MFHAS1: variants seen among roughly 807,000 people sequenced by gnomAD.
MFHAS1 encodes the protein multifunctional ROCO family signaling regulator 1, also known as malignant fibrous histiocytoma-amplified sequence 1.
MFHAS1 carries 50 observed loss-of-function variants against 70.4 expected under a neutral mutation model. The ratio of observed to expected loss-of-function variants is 0.71; its 90% confidence interval spans 0.57 to 0.90. MFHAS1 has a LOEUF of 0.90. Among genes scored for constraint, MFHAS1 ranks in the 40% least tolerant of loss-of-function variants. MFHAS1 has a pLI of 0.00. For synonymous variants in MFHAS1, 952 were observed against 620.0 expected (o/e 1.54, Z -7.96); for missense variants, 1,795 against 1,347.6 (o/e 1.33, Z -5.20).
intron 1 of MFHAS1, among the ~76,000 whole-genome samples, chr8:8,814,849 C>CTTTTTTTTTT (rs34438669): frequency 7.7e-6 from 1 of 130,430 alleles, no homozygotes; most frequent in Non-Finnish European, 1.6e-5. Flanking sequence ...GCTAGAATTT[C>CTTTTTTTTTT]TTTTTTTTTT....
intron 1 of MFHAS1, among the ~76,000 whole-genome samples, chr8:8,822,824 G>C (rs1200413045): frequency 6.6e-6 from 1 of 151,022 alleles, no homozygotes; most frequent in African/African-American, 2.4e-5. Flanking sequence ...CCAAGTCAGG[G>C]GGACTGACAC....
chr8:8,843,425 A>G (rs966745040), intron 1 of MFHAS1, among the ~76,000 whole-genome samples: 2 of 152,154 alleles, frequency 1.3e-5, no homozygotes, highest in Non-Finnish European at 2.9e-5. Context: ...CTCTACAAAA[A>G]ATAAAGAAAC....
intron 1 of MFHAS1, among the ~76,000 whole-genome samples, chr8:8,830,802 T>C (rs1374398822): frequency 2.6e-5 from 4 of 152,170 alleles, no homozygotes; most frequent in Admixed American, 6.5e-5. Flanking sequence ...TTTGCCATGT[T>C]GGCAGGCTGG....
rs746096695 is a variant in MFHAS1 at position 8,892,323 on chromosome 8, A to G, written c.736T>C (p.Phe246Leu). 1.2e-6 allele frequency: 2 copies of G among 1,612,180 alleles called. No homozygotes were observed. Among genetic ancestry groups the G allele is most frequent in the Non-Finnish European group, 1.7e-6 (2 of 1,179,972 alleles). The change falls in exon 1 of 3, where the codon TTC becomes CTC. Residue 246 changes from phenylalanine (F) to leucine (L), a missense_variant. Coordinates refer to ENST00000276282, the MANE Select transcript of MFHAS1 (RefSeq NM_004225.3). This position sits in a 1 kb window ranked among gnomAD's most constrained non-coding sequence, Gnocchi z 4.7. Reference protein sequence around the residue: ...GAELGTLPAGFCELASLESLM... With the variant: ...GAELGTLPAGLCELASLESLM... ...CTCTCCAAACTGGCCAGCTCGCAGA[A>G]GCCGGCGGGCAGCGTGCCAAGCTCG...
Position 8,892,405 on chromosome 8 carries a change from G to T in MFHAS1, c.654C>A (p.Gly218=), listed in dbSNP as rs771051626. Residue 218 remains glycine (G), a synonymous_variant, in exon 1 of 3, where the codon GGC becomes GGA. Transcript: ENST00000276282. This position sits in a 1 kb window ranked among gnomAD's most constrained non-coding sequence, Gnocchi z 4.7. The part of the protein sequence containing the change: ...ELDVSSNRLR[G]LPEDISALRA... ...GCAGGGCACTGATATCCTCAGGCAG[G>T]CCCCGCAGCCGGTTGCTGGACACGT... 1 of 1,612,870 alleles carries T rather than the reference G, an allele frequency of 6.2e-7. No individual in the cohort carries two copies. The highest frequency in any genetic ancestry group is 8.5e-7 in the Non-Finnish European group (1 of 1,179,816).
Position 8,891,262 on chromosome 8 carries a change from C to G in MFHAS1, c.1797G>C (p.Ser599=), listed in dbSNP as rs150944602. ...CCTTGCGCCGTCGAAGGTTCTTGTC[C>G]GAAACGCCATAGTAGGCTGCGTGGG... The part of the protein sequence containing the change: ...ASPHAAYYGV[S]DKNLRRRKAH... The change falls in exon 1 of 3, where the codon TCG becomes TCC. Residue 599 remains serine, a synonymous_variant. Transcript: ENST00000276282. The surrounding 1 kb of genome is among the most constrained non-coding windows in gnomAD (Gnocchi z 5.4). The G allele has an allele frequency of 6.2e-7, 1 of 1,612,024 alleles. No homozygotes were observed. The highest frequency in any genetic ancestry group is 1.1e-5 in the South Asian group (1 of 91,094).
intron 1 of MFHAS1, among the ~76,000 whole-genome samples, chr8:8,807,960 A>G (rs1404638120): frequency 2.0e-5 from 3 of 152,268 alleles, no homozygotes; most frequent in African/African-American, 4.8e-5. Flanking sequence ...GCTACCAGCC[A>G]TCAATCTGGG....
At chr8:8,856,981 A>G (rs1288148203) in intron 1 of MFHAS1, among the ~76,000 whole-genome samples, 64 of 2,974 alleles carry the variant, frequency 0.022, no homozygotes, top group South Asian at 0.2. Flanking sequence ...CAGGAAAGTG[A>G]AAAAAAAAAA....
rs1176739623 is a variant in MFHAS1, at chr8:8,890,033, A to G, written c.2998+28T>C. The G allele has an allele frequency of 2.0e-6, 3 of 1,534,292 alleles. No homozygotes were observed. The South Asian group carries it at 3.7e-5, about 19-fold the overall frequency. On this transcript the variant is annotated intron_variant, in intron 1 of 2. Coordinates refer to ENST00000276282, the MANE Select transcript of MFHAS1 (RefSeq NM_004225.3). ...AAAAACATATCTTACAGCATACCAC[A>G]GAAGAACTTCTCCCTCTCTCCACTT...
At chr8:8,870,727 C>T (rs986812542) in intron 1 of MFHAS1, among the ~76,000 whole-genome samples, 5 of 152,166 alleles carry the variant, frequency 3.3e-5, no homozygotes, top group African/African-American at 1.2e-4. Flanking sequence ...GAATTTATTA[C>T]ACAGCCCTGC....
chr8:8,889,712 G>T (rs551443906), intron 1 of MFHAS1, among the ~76,000 whole-genome samples: 1 of 152,218 alleles, frequency 6.6e-6, no homozygotes, highest in Non-Finnish European at 1.5e-5. Flanking sequence ...ATCAGTAAGA[G>T]GCTAACATCG....
intron 2 of MFHAS1, among the ~76,000 whole-genome samples, chr8:8,795,234 C>T (rs1292854158): frequency 6.6e-6 from 1 of 151,918 alleles, no homozygotes; most frequent in African/African-American, 2.4e-5. Flanking sequence ...AAAAAGAAAA[C>T]ATATAATATC....
chr8:8,816,227 G>A (rs746177305), intron 1 of MFHAS1, among the ~76,000 whole-genome samples: 31 of 152,124 alleles, frequency 2.0e-4, no homozygotes, highest in Non-Finnish European at 2.8e-4. Flanking sequence ...GGTCTGGGGT[G>A]ACGATTTTAT....
intron 1 of MFHAS1, among the ~76,000 whole-genome samples, chr8:8,867,592 C>T (rs1808908840): frequency 6.6e-6 from 1 of 150,968 alleles, no homozygotes; most frequent in Admixed American, 6.6e-5. Flanking sequence ...TGGAGTCTCG[C>T]TGTCTCCTAG....
intron 1 of MFHAS1, among the ~76,000 whole-genome samples, chr8:8,821,054 G>A (rs1806934597): frequency 6.6e-6 from 1 of 152,198 alleles, no homozygotes; most frequent in South Asian, 2.1e-4. Context: ...CAGGGAAGTG[G>A]GGAGGCCTCT....
chr8:8,827,444 C>A (rs1231174190), intron 1 of MFHAS1, among the ~76,000 whole-genome samples: 1 of 152,224 alleles, frequency 6.6e-6, no homozygotes, highest in Middle Eastern at 3.2e-3. Flanking sequence ...TCAGACTTAG[C>A]CACATCCAAT....
At chr8:8,795,527 C>T (rs1184592736) in intron 2 of MFHAS1, among the ~76,000 whole-genome samples, 1 of 152,210 alleles carries the variant, frequency 6.6e-6, no homozygotes, top group Non-Finnish European at 1.5e-5. Flanking sequence ...ACTCTGAATA[C>T]AAGAGCATTA....
At chr8:8,805,388 T>C (rs558221573) in intron 1 of MFHAS1, among the ~76,000 whole-genome samples, 1 of 152,332 alleles carries the variant, frequency 6.6e-6, no homozygotes, top group African/African-American at 2.4e-5. Context: ...ACATATAGCA[T>C]GTGCTGTATT....
intron 1 of MFHAS1, among the ~76,000 whole-genome samples, chr8:8,797,862 G>A (rs1373109614): frequency 2.0e-5 from 3 of 152,188 alleles, no homozygotes; most frequent in Admixed American, 2.0e-4. Flanking sequence ...GGGCTGCCAA[G>A]GAGGTGTTCA....
Sources: allele counts gnomAD v4.1 joint callset (sites outside exome capture counted in the v4.1 genomes callset), GRCh38; gene constraint gnomAD v4.1.1; non-coding constraint Gnocchi (gnomAD v3.1); transcripts MANE v1.5; gene names NCBI Gene and HGNC (gene_info 2026-07-23, HGNC 2026-07-21).